The following RAP1GAP2 variants were observed in gnomAD, a reference collection of about 807,000 sequenced individuals.
The protein encoded by RAP1GAP2 is rap1 GTPase-activating protein 2.
In RAP1GAP2, 27 loss-of-function variants were observed where a neutral mutation model predicts 95.0. The observed-to-expected ratio is 0.28, with a 90% CI of 0.21 to 0.39. RAP1GAP2 has a LOEUF of 0.39. Among genes scored for constraint, RAP1GAP2 ranks in the 10% least tolerant of loss-of-function variants. The pLI, the probability that RAP1GAP2 is intolerant of heterozygous loss-of-function variation, is 1.00. For synonymous variants in RAP1GAP2, 373 were observed against 380.9 expected (o/e 0.98, Z 0.24); for missense variants, 771 against 970.0 (o/e 0.79, Z 2.72).
At chr17:2,982,811 G>A (rs1322568354) in intron 10 of RAP1GAP2, among the ~76,000 whole-genome samples, 1 of 151,910 alleles carries the variant, frequency 6.6e-6, no homozygotes, top group Non-Finnish European at 1.5e-5. Flanking sequence ...GGAAAGCCTC[G>A]GGCCTTGGTC....
intron 3 of RAP1GAP2, among the ~76,000 whole-genome samples, chr17:2,949,803 G>T (rs2043847670): frequency 6.6e-6 from 1 of 152,248 alleles, no homozygotes; most frequent in Non-Finnish European, 1.5e-5. Flanking sequence ...CTGCTTCTGG[G>T]TGGAAAAGGA....
intron 4 of RAP1GAP2, 117 bp from the exon 5 acceptor site, chr17:2,962,553 G>A (rs368927030): frequency 7.0e-6 from 8 of 1,141,726 alleles, no homozygotes; most frequent in South Asian, 5.6e-5. Flanking sequence ...GGCCCAGCAC[G>A]GGCCAGCTTT....
intron 2 of RAP1GAP2, among the ~76,000 whole-genome samples, chr17:2,847,514 G>A (rs2071640611): frequency 1.3e-5 from 2 of 152,244 alleles, no homozygotes; most frequent in Admixed American, 6.5e-5. Flanking sequence ...ATATAAAATA[G>A]TATATAAATA....
intron 3 of RAP1GAP2, among the ~76,000 whole-genome samples, chr17:2,912,354 G>A (rs1017971528): frequency 9.2e-5 from 14 of 152,138 alleles, no homozygotes; most frequent in South Asian, 2.1e-4. Context: ...GCCTGATTTC[G>A]TCTCTTCTTT....
intron 3 of RAP1GAP2, among the ~76,000 whole-genome samples, chr17:2,923,784 T>C (rs1404243583): frequency 6.6e-6 from 1 of 152,060 alleles, no homozygotes; most frequent in Non-Finnish European, 1.5e-5. Context: ...AAAAAATGAA[T>C]AATGTCCTAA....
At chr17:2,948,793 C>T (rs2043805404) in intron 3 of RAP1GAP2, among the ~76,000 whole-genome samples, 2 of 151,130 alleles carry the variant, frequency 1.3e-5, no homozygotes, top group Admixed American at 6.6e-5. Context: ...TGCTGTGGAC[C>T]AGGGGGAGGC....
Position 2,904,873 on chromosome 17 carries a change from C to T in RAP1GAP2, c.81-411C>T, listed in dbSNP as rs2042148479. 6.6e-6 allele frequency among the ~76,000 whole-genome samples: 1 copy of T among 151,530 alleles called. No individual in the cohort carries two copies. Among genetic ancestry groups the T allele is most frequent in the Admixed American group, 6.6e-5 (1 of 15,154 alleles). On this transcript the variant is annotated intron_variant, in intron 2 of 24. Coordinates refer to ENST00000254695, the MANE Select transcript of RAP1GAP2 (RefSeq NM_015085.5). This position sits in a 1 kb window ranked among gnomAD's most constrained non-coding sequence, Gnocchi z 4.7. Reference sequence around the variant, plus strand: ...AAGAAAATGCTCCCAATTCTGGTTTCTGCATTGTATTTTTTTTTTTAATTG... The same window carrying T: ...AAGAAAATGCTCCCAATTCTGGTTTTTGCATTGTATTTTTTTTTTTAATTG...
At chr17:2,829,587 A>G (rs2070742932) in intron 2 of RAP1GAP2, among the ~76,000 whole-genome samples, 1 of 152,154 alleles carries the variant, frequency 6.6e-6, no homozygotes, top group Non-Finnish European at 1.5e-5. Flanking sequence ...ACAGCTGCAC[A>G]AGAGCTCACC....
intron 1 of RAP1GAP2, among the ~76,000 whole-genome samples, chr17:2,780,078 T>C (rs754534623): frequency 1.3e-5 from 2 of 152,110 alleles, no homozygotes; most frequent in African/African-American, 2.4e-5. Flanking sequence ...GAGATGGAGT[T>C]TCGCTCTTGT....
chr17:2,969,088 A>G (rs2151504514), intron 8 of RAP1GAP2, among the ~76,000 whole-genome samples: 1 of 152,214 alleles, frequency 6.6e-6, no homozygotes, highest in African/African-American at 2.4e-5. Context: ...TTTAACACAC[A>G]TCACTTGACA....
At chr17:2,874,414 C>T (rs116120709) in intron 2 of RAP1GAP2, among the ~76,000 whole-genome samples, 63 of 152,236 alleles carry the variant, frequency 4.1e-4, no homozygotes, top group African/African-American at 1.5e-3. Context: ...CTTTTAGGTC[C>T]TCCTCACCTG....
chr17:2,997,779 T>G (rs1321066447), intron 13 of RAP1GAP2, among the ~76,000 whole-genome samples: 3 of 151,648 alleles, frequency 2.0e-5, no homozygotes, highest in Non-Finnish European at 4.4e-5. Flanking sequence ...CAGAAATTAG[T>G]GGGTGTAGTG....
rs532225874 is a variant in RAP1GAP2 at position 2,822,988 on chromosome 17, C to G, written c.80+22438C>G. 2.0e-5 allele frequency among the ~76,000 whole-genome samples: 3 copies of G among 152,240 alleles called. No individual in the cohort carries two copies. The East Asian group carries it at 5.8e-4, about 29-fold the overall frequency. On this transcript the variant is annotated intron_variant, in intron 2 of 24. Transcript: ENST00000254695. ...AGTAGCCGGGTGTGGTGGTGCGCAT[C>G]TGTAATTTCAGTTACTCAGGGAGTG...
intron 2 of RAP1GAP2, among the ~76,000 whole-genome samples, chr17:2,820,404 T>C (rs1389190383): frequency 1.3e-5 from 2 of 152,040 alleles, no homozygotes; most frequent in Non-Finnish European, 2.9e-5. Flanking sequence ...GCGGATCACT[T>C]GAGGTCAGGA....
At position 2,825,134 on chromosome 17, in the gene RAP1GAP2, A is replaced by G. The variant is rs574156786; in HGVS notation, c.80+24584A>G. ...TTTCTTATAGAGATGGGGTCTTGCTATGCTGTCCAGGCTGGTCTTGAACTC... is the reference window on the plus strand; with the variant it reads ...TTTCTTATAGAGATGGGGTCTTGCTGTGCTGTCCAGGCTGGTCTTGAACTC... On this transcript the variant is annotated intron_variant, in intron 2 of 24. Coordinates refer to ENST00000254695, the MANE Select transcript of RAP1GAP2 (RefSeq NM_015085.5). This position sits in a 1 kb window ranked among gnomAD's most constrained non-coding sequence, Gnocchi z 4.1. Among the ~76,000 whole-genome samples the G allele has an allele frequency of 6.6e-6, 1 of 152,056 alleles. No homozygotes were observed. The highest frequency in any genetic ancestry group is 1.5e-5 in the Non-Finnish European group (1 of 68,030).
At chr17:2,838,460 G>A (rs934238616) in intron 2 of RAP1GAP2, among the ~76,000 whole-genome samples, 20 of 152,242 alleles carry the variant, frequency 1.3e-4, no homozygotes, top group Middle Eastern at 3.4e-3. Flanking sequence ...AGCAGGGCCT[G>A]TCCTTGGACT....
rs2046276953 is a variant in RAP1GAP2 at position 3,004,636 on chromosome 17, A to C, written c.1201-733A>C. Among the ~76,000 whole-genome samples, 1 of 152,120 alleles carries C rather than the reference A, an allele frequency of 6.6e-6. No homozygotes were observed. Among genetic ancestry groups the C allele is most frequent in the Non-Finnish European group, 1.5e-5 (1 of 67,998 alleles). Reference sequence around the variant, plus strand: ...GGCCGTCACTCTAAAGCTCAGTCTCACTCAGGGTGCCAGAGGTGCGCGCCC... The same window carrying C: ...GGCCGTCACTCTAAAGCTCAGTCTCCCTCAGGGTGCCAGAGGTGCGCGCCC... On this transcript the variant is annotated intron_variant, in intron 14 of 24. Transcript: ENST00000254695. The surrounding 1 kb of genome is among the most constrained non-coding windows in gnomAD (Gnocchi z 4.1).
At chr17:2,793,806 G>A (rs1332910417), upstream of RAP1GAP2, among the ~76,000 whole-genome samples, 2 of 152,138 alleles carry the variant, frequency 1.3e-5, no homozygotes, top group Non-Finnish European at 2.9e-5. Context: ...ATGCCCTTGA[G>A]ACTCAATCTT....
At chr17:2,842,977 T>C (rs2071430578) in intron 2 of RAP1GAP2, among the ~76,000 whole-genome samples, 1 of 152,112 alleles carries the variant, frequency 6.6e-6, no homozygotes, top group African/African-American at 2.4e-5. Flanking sequence ...AGGGCTAGCG[T>C]AGAGCAGACG....
Sources: allele counts gnomAD v4.1 joint callset (sites outside exome capture counted in the v4.1 genomes callset), GRCh38; gene constraint gnomAD v4.1.1; non-coding constraint Gnocchi (gnomAD v3.1); transcripts MANE v1.5; gene names NCBI Gene and HGNC (gene_info 2026-07-23, HGNC 2026-07-21).